Variants in STAB1 observed in about 807,000 individuals in gnomAD.
STAB1 encodes the protein stabilin 1.
In STAB1, 250 loss-of-function variants were observed where a neutral mutation model predicts 332.4. The ratio of observed to expected loss-of-function variants is 0.75; its 90% CI spans 0.68 to 0.84. The LOEUF (loss-of-function observed/expected upper bound fraction) is 0.84, where lower values mean the gene tolerates loss of function less well. Among genes scored for constraint, STAB1 ranks in the 40% least tolerant of loss-of-function variants. The pLI is 0.00. For synonymous variants in STAB1, 1,475 were observed against 1,390.4 expected, an observed-to-expected ratio of 1.06 and a Z score of -1.35; for missense variants, 3,249 against 3,489.7, an observed-to-expected ratio of 0.93 and a Z score of 1.74.
Position 52,520,114 on chromosome 3 carries a change from T to C in STAB1, c.5406T>C (p.Asn1802=). The C allele has an allele frequency of 6.2e-7, 1 of 1,609,258 alleles. No individual in the cohort carries two copies. The highest frequency in any genetic ancestry group is 8.5e-7 in the Non-Finnish European group (1 of 1,176,902). The change falls in exon 51 of 69, where the codon AAT becomes AAC. Residue 1802 remains asparagine, a synonymous_variant. Transcript: ENST00000321725. ...TTCTGCGGGGCCACATGATTCGCAA[T>C]GTCGAGGTGGGTGCAGCCCCCAACC... ...AAILRGHMIR[N]VEALASDLPN...
At position 52,500,052 on chromosome 3, in the gene STAB1, G is replaced by A. The variant is rs542234661; in HGVS notation, c.79-1114G>A. Among the ~76,000 whole-genome samples, 8 of 152,118 alleles carry A rather than the reference G, an allele frequency of 5.3e-5. No individual in the cohort carries two copies. In the East Asian group the frequency reaches 1.5e-3, roughly 29 times the overall value. ...CACACCACTGCACTCCAGCCAGGGC[G>A]ACACAGCGAGACCCTTTCTCAAAGA... is the stretch of plus-strand genomic sequence containing the variant. On this transcript the variant is annotated intron_variant, in intron 1 of 68. Coordinates refer to ENST00000321725, the MANE Select transcript of STAB1 (RefSeq NM_015136.3).
At chr3:52,514,287 G>C in intron 33 of STAB1, 74 bp downstream of exon 33, 1 of 1,594,102 alleles carries the variant, frequency 6.3e-7, no homozygotes. Flanking sequence ...CCACCACGAA[G>C]GGACACAGTG....
At position 52,509,287 on chromosome 3, in the gene STAB1, G is replaced by C. The variant is rs776999553; in HGVS notation, c.2313G>C (p.Ser771=). The C allele has an allele frequency of 6.2e-7, 1 of 1,613,586 alleles. No homozygotes were observed. The highest frequency in any genetic ancestry group is 2.2e-5 in the East Asian group (1 of 44,882). ...DYKGIACHIC[S]NPNKHGEQCQ... ...AGGGCATCGCCTGCCACATCTGCTC[G>C]AACCCAAACAAGCATGGAGAGCAAT... Residue 771 remains serine (S), a synonymous_variant, in exon 22 of 69, where the codon TCG becomes TCC. Coordinates refer to ENST00000321725, the MANE Select transcript of STAB1 (RefSeq NM_015136.3).
chr3:52,523,554 A>C lies in STAB1; in HGVS notation c.7268A>C (p.Asp2423Ala). 6.2e-7 allele frequency: 1 copy of C among 1,612,808 alleles called. No homozygotes were observed. The highest frequency in any genetic ancestry group is 8.5e-7 in the Non-Finnish European group (1 of 1,179,976). ...CTCATCATCAGTGACGCAGGCCCTGACAACAGTTCCTGGGCCCCTGTGGTG... is the reference window on the plus strand; with the variant it reads ...CTCATCATCAGTGACGCAGGCCCTGCCAACAGTTCCTGGGCCCCTGTGGTG... ...LSLIISDAGP[D>A]NSSWAPVAPG... Residue 2423 changes from aspartate (D) to alanine (A), a missense_variant, in exon 65 of 69, where the codon GAC becomes GCC. By Grantham distance (126) the Asp-to-Ala change is moderately radical. Coordinates refer to ENST00000321725, the MANE Select transcript of STAB1 (RefSeq NM_015136.3).
In STAB1 at chr3:52,522,083, C is replaced by G. The variant is rs780480347; in HGVS notation, c.6318C>G (p.Ala2106=). Residue 2106 remains alanine, a synonymous_variant, in exon 59 of 69, where the codon GCC becomes GCG. Coordinates refer to ENST00000321725, the MANE Select transcript of STAB1 (RefSeq NM_015136.3). ...GGCATGGTGGCTGCAGTGAGCACGC[C>G]AACTGTAGCCAGGTAGGAACAATGG... ...QDGHGGCSEH[A]NCSQVGTMVT... is the part of the protein sequence containing the mutation. The G allele has an allele frequency of 2.5e-6, 4 of 1,613,108 alleles. No homozygotes were observed. The African/African-American group carries it at 5.3e-5, about 22-fold the overall frequency.
Position 52,522,875 on chromosome 3 carries a change from TAGTC to T in STAB1, c.6848_6851del (p.Val2283AlafsTer97), listed in dbSNP as rs751311169. On this transcript the variant is annotated frameshift_variant, in exon 62 of 69. Transcript: ENST00000321725. LOFTEE classifies it high-confidence loss of function. ...GACTGTGGCAATGGTCGGGTGGGCA[TAGTC>T]AGCCTGGGTGCCCGCAAGAACCTCT... 11 of 1,613,250 alleles carry T rather than the reference TAGTC, an allele frequency of 6.8e-6. No homozygotes were observed. The highest frequency in any genetic ancestry group is 5.3e-5 in the African/African-American group (4 of 75,040).
At chr3:52,507,747 G>T in intron 19 of STAB1, 72 bp downstream of exon 19, 1 of 1,580,110 alleles carries the variant, frequency 6.3e-7, no homozygotes, top group Non-Finnish European at 8.7e-7. Flanking sequence ...GGTCACAGGG[G>T]TGGGTGGGGG....
chr3:52,519,985 G>A lies in STAB1; in HGVS notation c.5277G>A (p.Arg1759=). ...LLPLLREASH[R]PFTMLWPTDA... ...CCCTGCTTCGAGAGGCATCCCATAG[G>A]CCCTTCACAATGCTGTGGCCCACAG... Residue 1759 remains arginine, a synonymous_variant, in exon 51 of 69, where the codon AGG becomes AGA. Transcript: ENST00000321725. 2 of 1,609,608 alleles carry A rather than the reference G, an allele frequency of 1.2e-6. No homozygotes were observed. Among genetic ancestry groups the A allele is most frequent in the Non-Finnish European group, 1.7e-6 (2 of 1,178,580 alleles).
rs1313272601 is a variant in STAB1, at chr3:52,520,903, T to C, written c.5806T>C (p.Trp1936Arg). The C allele has an allele frequency of 6.2e-7, 1 of 1,609,048 alleles. No homozygotes were observed. The highest frequency in any genetic ancestry group is 8.5e-7 in the Non-Finnish European group (1 of 1,178,072). ...CAGCGTCTGGGTCCACCCCAGCCTT[T>C]GGGGTAGGCCCCAAGGCCTGGGCAG... ...LRSVWVHPSL[W>R]GRPQGLGRGC... The change falls in exon 55 of 69, where the codon TGG (tryptophan) becomes CGG (arginine). Residue 1936 changes from tryptophan (W) to arginine (R), a missense_variant. Coordinates refer to ENST00000321725, the MANE Select transcript of STAB1 (RefSeq NM_015136.3).
intron 1 of STAB1, 81 bp downstream of exon 1, chr3:52,495,572 A>C: frequency 8.4e-7 from 1 of 1,195,182 alleles, no homozygotes; most frequent in Non-Finnish European, 1.1e-6. Flanking sequence ...ACTGACATGG[A>C]GGGGCAGGGG....
At position 52,513,739 on chromosome 3, in the gene STAB1, G is replaced by C. The variant is rs751261006; in HGVS notation, c.3293G>C (p.Ser1098Thr). Residue 1098 changes from serine (S) to threonine (T), a missense_variant, in exon 31 of 69, where the codon AGC (serine) becomes ACC (threonine). Ser to Thr is a moderately conservative substitution (Grantham distance 58, BLOSUM62 1). Coordinates refer to ENST00000321725, the MANE Select transcript of STAB1 (RefSeq NM_015136.3). ...CAGAGGGTCTGGGTGCAGAATGCCAGCGTGGATGTGGCTGACCTCCTTGCC... is the reference window on the plus strand; with the variant it reads ...CAGAGGGTCTGGGTGCAGAATGCCACCGTGGATGTGGCTGACCTCCTTGCC... ...ISGRVWVQNA[S>T]VDVADLLATN... is the part of the protein sequence containing the mutation. 6.2e-7 allele frequency: 1 copy of C among 1,613,452 alleles called. No individual in the cohort carries two copies.
chr3:52,523,757 G>C lies in STAB1; in HGVS notation c.7395+1G>C, dbSNP rs201343811. 1 of 1,597,176 alleles carries C rather than the reference G, an allele frequency of 6.3e-7. No individual in the cohort carries two copies. The highest frequency in any genetic ancestry group is 2.3e-5 in the East Asian group (1 of 44,396). On this transcript the variant is annotated splice_donor_variant, in intron 66 of 68. Coordinates refer to ENST00000321725, the MANE Select transcript of STAB1 (RefSeq NM_015136.3). LOFTEE classifies it high-confidence loss of function. ...CCCCCTCCTGGCACCCCCACAGCCC[G>C]TGAGTTGAGGAAGGGGGAGGCAGAG...
At chr3:52,519,480 G>A in intron 49 of STAB1, 25 bp from the exon 50 acceptor site, 2 of 1,613,122 alleles carry the variant, frequency 1.2e-6, no homozygotes, top group East Asian at 2.2e-5. Context: ...GCCTGGCCTA[G>A]CTGTTTATGA....
intron 59 of STAB1, 36 bp downstream of exon 59, chr3:52,522,266 G>T: frequency 6.2e-7 from 1 of 1,611,400 alleles, no homozygotes; most frequent in Non-Finnish European, 8.5e-7. Flanking sequence ...CCAGGGTGGG[G>T]AGGCCTGGCA....
intron 21 of STAB1, 143 bp downstream of exon 21, chr3:52,508,502 A>G: frequency 1.3e-6 from 1 of 764,748 alleles, no homozygotes; most frequent in Non-Finnish European, 2.3e-6. Context: ...AAGTTGGATC[A>G]AATTATTTCT....
chr3:52,505,050 C>T lies in STAB1; in HGVS notation c.1425C>T (p.Ile475=). 2 of 1,613,882 alleles carry T rather than the reference C, an allele frequency of 1.2e-6. No individual in the cohort carries two copies. Among genetic ancestry groups the T allele is most frequent in the Non-Finnish European group, 1.7e-6 (2 of 1,180,024 alleles). Reference sequence around the variant, plus strand: ...ACCAGCCCCAGCAGACGTTCAACATCTACAAGGCCAACAACATAGCAGCTA... The same window carrying T: ...ACCAGCCCCAGCAGACGTTCAACATTTACAAGGCCAACAACATAGCAGCTA... The part of the protein sequence containing the change: ...YKDQPQQTFN[I]YKANNIAANG... The change falls in exon 13 of 69, where the codon ATC becomes ATT. Residue 475 remains isoleucine, a synonymous_variant. Transcript: ENST00000321725.
chr3:52,513,980 A>T lies in STAB1; in HGVS notation c.3446A>T (p.Gln1149Leu), dbSNP rs759255043. The T allele has an allele frequency of 2.5e-6, 4 of 1,597,382 alleles. No individual in the cohort carries two copies. The Admixed American group carries it at 6.7e-5, about 27-fold the overall frequency. The change falls in exon 32 of 69, where the codon CAG (glutamine) becomes CTG (leucine). Residue 1149 changes from glutamine (Q) to leucine (L), a missense_variant and splice_region_variant. Gln to Leu is a moderately radical substitution (Grantham distance 113). Transcript: ENST00000321725. Reference sequence around the variant, plus strand: ...TTCAGCCTCTTCCGGGAATTGCTGCAGGTACGGAAGGCTGGCAAGAGGGGA... The same window carrying T: ...TTCAGCCTCTTCCGGGAATTGCTGCTGGTACGGAAGGCTGGCAAGAGGGGA... ...PAFSLFRELL[Q>L]HHGLVPQIEA...
chr3:52,499,856 G>C, intron 1 of STAB1, among the ~76,000 whole-genome samples: 1 of 113,526 alleles, frequency 8.8e-6, no homozygotes, highest in Non-Finnish European at 1.7e-5. Context: ...CCGAGATCCC[G>C]CCACTGCACT....
At chr3:52,504,925 A>T in intron 12 of STAB1, 49 bp downstream of exon 12, 1 of 1,613,044 alleles carries the variant, frequency 6.2e-7, no homozygotes, top group Non-Finnish European at 8.5e-7. Flanking sequence ...CAGCCTGGCA[A>T]GGGTGTGCAG....
Sources: gnomAD v4.1 joint callset for allele counts (sites outside exome capture counted in the v4.1 genomes callset) on GRCh38, gnomAD v4.1.1 for gene constraint, MANE v1.5 for transcripts, NCBI Gene and HGNC (gene_info 2026-07-23, HGNC 2026-07-21) for gene names.